The following DPP9 variants were observed in gnomAD, a reference collection of about 807,000 sequenced individuals.
DPP9 encodes dipeptidyl peptidase IV-related protein-2.
A neutral mutation model predicts 110.7 loss-of-function variants in DPP9; 50 were observed. The observed-to-expected ratio is 0.45, with a 90% CI of 0.36 to 0.57. The LOEUF is 0.57. Ranked by LOEUF, DPP9 falls within the 20% of genes least tolerant of loss-of-function variation. The probability of loss-of-function intolerance (pLI) is 0.00; values close to 1 mark genes in which losing one functional copy is unlikely to be tolerated. For missense variants in DPP9, 1,022 were observed against 1,217.9 expected (o/e 0.84, Z 2.39); for synonymous variants, 561 against 514.4 (o/e 1.09, Z -1.23).
chr19:4,697,960 A>G (rs549252959), intron 10 of DPP9, among the ~76,000 whole-genome samples: 156 of 152,350 alleles, frequency 1.0e-3, no homozygotes, highest in African/African-American at 3.6e-3. Flanking sequence ...ACGGCCACCA[A>G]GAAGCCATGG....
intron 1 of DPP9, among the ~76,000 whole-genome samples, chr19:4,723,150 A>T (rs370162112): frequency 2.6e-5 from 4 of 152,196 alleles, no homozygotes; most frequent in South Asian, 2.1e-4. Context: ...AGGGTTGAGG[A>T]TCAGGACTGG....
At position 4,695,503 on chromosome 19, in the gene DPP9, G is replaced by A. The variant is rs199500961; in HGVS notation, c.1228C>T (p.Leu410Phe). Residue 410 changes from leucine to phenylalanine, a missense_variant, in exon 12 of 22, where the codon CTC (leucine) becomes TTC (phenylalanine). Around this residue, in one of 3 missense-constraint regions of DPP9, gnomAD observed 810 missense variants for 920.6 expected, o/e 0.88. Coordinates refer to ENST00000262960, the MANE Select transcript of DPP9 (RefSeq NM_139159.5). The surrounding 1 kb of genome is among the most constrained non-coding windows in gnomAD (Gnocchi z 4.7). ...RPQQWLQLVL[L>F]PPALFIPSTE... is the part of the protein sequence containing the mutation. ...CTCGGGATGAACAGGGCCGGGGGGA[G>A]GAGGACGAGCTGGAGCCACTGCTGG... The A allele has an allele frequency of 1.1e-4, 175 of 1,552,964 alleles. No individual in the cohort carries two copies. In the African/African-American group the frequency reaches 2.3e-3, roughly 20 times the overall value.
Position 4,714,182 on chromosome 19 carries a change from C to G in DPP9, c.212G>C (p.Arg71Pro). Residue 71 changes from arginine to proline, a missense_variant, in exon 4 of 22, where the codon CGC becomes CCC. Around this residue, in one of 3 missense-constraint regions of DPP9, gnomAD observed 810 missense variants for 920.6 expected, o/e 0.88. Coordinates refer to ENST00000262960, the MANE Select transcript of DPP9 (RefSeq NM_139159.5). ...GTTGACAATGAGGCCCGAGTACTTG[C>G]GGCTGCCGTGGATGATGCTCCGGAG... is the stretch of plus-strand genomic sequence containing the variant. ...DGLRSIIHGSRKYSGLIVNKA... is the reference protein window; with the variant it reads ...DGLRSIIHGSPKYSGLIVNKA... 1 of 1,611,386 alleles carries G rather than the reference C, an allele frequency of 6.2e-7. No homozygotes were observed. The highest frequency in any genetic ancestry group is 8.5e-7 in the Non-Finnish European group (1 of 1,178,968).
In DPP9 at chr19:4,694,399, G is replaced by C. The variant is rs2091605307; in HGVS notation, c.1516+262C>G. On this transcript the variant is annotated intron_variant, in intron 13 of 21. Transcript: ENST00000262960. The surrounding 1 kb of genome is among the most constrained non-coding windows in gnomAD (Gnocchi z 4.0). ...GGCCGGATTTGACCTGTGGGCCGTA[G>C]GTGGCCAACCCCTGGTTGTGCTAAG... 1.9e-6 allele frequency: 1 copy of C among 537,210 alleles called. No individual in the cohort carries two copies. The highest frequency in any genetic ancestry group is 2.9e-5 in the South Asian group (1 of 35,050). The allele number at this position is 537,210 out of a possible 1,614,324, so 33.3% of individuals were successfully genotyped here.
chr19:4,692,922 C>T (rs903110714), intron 13 of DPP9, among the ~76,000 whole-genome samples: 2 of 152,166 alleles, frequency 1.3e-5, no homozygotes, highest in East Asian at 1.9e-4. Context: ...GCAGCTGTCA[C>T]CCCGCCGGTC....
At chr19:4,720,040 G>GCCC in intron 2 of DPP9, 99 bp from the exon 3 acceptor site, 1 of 1,045,668 alleles carries the variant, frequency 9.6e-7, no homozygotes, top group Non-Finnish European at 1.4e-6. Context: ...GCTCCAGGCA[G>GCCC]CCCCCCAAGC....
At position 4,689,439 on chromosome 19, in the gene DPP9, G is replaced by T; in HGVS notation, c.1749+131C>A. 1 of 1,242,132 alleles carries T rather than the reference G, an allele frequency of 8.1e-7. No homozygotes were observed. The highest frequency in any genetic ancestry group is 1.1e-6 in the Non-Finnish European group (1 of 912,548). The allele number at this position is 1,242,132 out of a possible 1,614,324, so 76.9% of individuals were successfully genotyped here. ...CAGGAGGCAGGGGTGGGCACTGCCT[G>T]CCCCAAGGCAGCTATGAGAATGCGA... On this transcript the variant is annotated intron_variant, in intron 15 of 21. Coordinates refer to ENST00000262960, the MANE Select transcript of DPP9 (RefSeq NM_139159.5). The surrounding 1 kb of genome is among the most constrained non-coding windows in gnomAD (Gnocchi z 7.0).
rs779435557 is a variant in DPP9, at chr19:4,693,117, G to A, written c.1516+1544C>T. On this transcript the variant is annotated intron_variant, in intron 13 of 21. Coordinates refer to ENST00000262960, the MANE Select transcript of DPP9 (RefSeq NM_139159.5). This position sits in a 1 kb window ranked among gnomAD's most constrained non-coding sequence, Gnocchi z 5.0. ...CGGACCACATCTAGGGACATCTGTG[G>A]TTGTCACAACTGGAGGTGCTCCTGG... 6.6e-6 allele frequency among the ~76,000 whole-genome samples: 1 copy of A among 152,160 alleles called. No individual in the cohort carries two copies. Among genetic ancestry groups the A allele is most frequent in the Non-Finnish European group, 1.5e-5 (1 of 68,006 alleles).
Position 4,685,460 on chromosome 19 carries a change from C to T in DPP9, c.2031+166G>A, listed in dbSNP as rs1319775984. The T allele has an allele frequency of 1.1e-5, 9 of 784,124 alleles. No homozygotes were observed. The highest frequency in any genetic ancestry group is 1.9e-5 in the Non-Finnish European group (9 of 477,810). 48.6% of individuals were successfully genotyped at this position (784,124 alleles called of 1,614,324 possible). A position where few individuals can be genotyped will look rare whatever the true frequency, so the allele number is the denominator to read the frequency against. On this transcript the variant is annotated intron_variant, in intron 17 of 21. Coordinates refer to ENST00000262960, the MANE Select transcript of DPP9 (RefSeq NM_139159.5). This position sits in a 1 kb window ranked among gnomAD's most constrained non-coding sequence, Gnocchi z 5.8. ...GGCACAGAGAAAGGAGGGTGAGGGG[C>T]CCCGAGGACCCTGTGTAGTCAGGGC... is the stretch of plus-strand genomic sequence containing the variant.
At position 4,704,083 on chromosome 19, in the gene DPP9, G is replaced by C. The variant is rs199919276; in HGVS notation, c.601-29C>G. On this transcript the variant is annotated intron_variant, in intron 6 of 21. Coordinates refer to ENST00000262960, the MANE Select transcript of DPP9 (RefSeq NM_139159.5). The surrounding 1 kb of genome is among the most constrained non-coding windows in gnomAD (Gnocchi z 6.0). ...AGGACAGAGACGCCCAGCTCAGGGG[G>C]AGGGGCCCTCCACGCCACCCCCGCA... 1.1e-5 allele frequency: 17 copies of C among 1,613,656 alleles called. No homozygotes were observed. The Admixed American group carries it at 2.5e-4, about 24-fold the overall frequency.
chr19:4,690,590 T>C (rs958597378), intron 14 of DPP9, among the ~76,000 whole-genome samples: 147 of 152,222 alleles, frequency 9.7e-4, no homozygotes, highest in Non-Finnish European at 1.2e-4. Flanking sequence ...GCTTCCAATG[T>C]TTTCCTTAAT....
chr19:4,688,622 G>C, intron 16 of DPP9, 135 bp downstream of exon 16: 1 of 1,129,180 alleles, frequency 8.9e-7, no homozygotes, highest in Non-Finnish European at 1.2e-6. Context: ...CCAGATGCTT[G>C]GAGGGGCCTG....
At chr19:4,703,496 C>T (rs1278039898) in intron 7 of DPP9, among the ~76,000 whole-genome samples, 2 of 150,224 alleles carry the variant, frequency 1.3e-5, no homozygotes, top group Non-Finnish European at 3.0e-5. Context: ...ATTAGCCAGG[C>T]GTGGTGGCGG....
rs905111263 is a variant in DPP9 at position 4,694,918 on chromosome 19, C to G, written c.1354-95G>C. 1 of 1,307,236 alleles carries G rather than the reference C, an allele frequency of 7.6e-7. No individual in the cohort carries two copies. Among genetic ancestry groups the G allele is most frequent in the African/African-American group, 1.5e-5 (1 of 68,548 alleles). The allele number at this position is 1,307,236 out of a possible 1,614,324, so 81.0% of individuals were successfully genotyped here. A position where few individuals can be genotyped will look rare whatever the true frequency, so the allele number is the denominator to read the frequency against. ...ATCCCAGTAGTTTGGGAGGCTGGGG[C>G]AGGAGACTTGCTTGAGCCCAGGAAT... On this transcript the variant is annotated intron_variant, in intron 12 of 21. Transcript: ENST00000262960. The surrounding 1 kb of genome is among the most constrained non-coding windows in gnomAD (Gnocchi z 4.0).
At chr19:4,722,233 C>G (rs2093354446) in intron 2 of DPP9, 1 of 460,166 alleles carries the variant, frequency 2.2e-6, no homozygotes, top group Non-Finnish European at 3.9e-6. Context: ...CACCCCTCCA[C>G]CAAATCCTGC....
In DPP9 at chr19:4,710,330, C is replaced by T. The variant is rs1259183036; in HGVS notation, c.313+3751G>A. Among the ~76,000 whole-genome samples, 1 of 152,196 alleles carries T rather than the reference C, an allele frequency of 6.6e-6. No individual in the cohort carries two copies. Among genetic ancestry groups the T allele is most frequent in the Non-Finnish European group, 1.5e-5 (1 of 68,032 alleles). ...CTTGCTTTCCCTTTCGAGGGAGTTC[C>T]AGAACTGTCTGGAACCCTGTGGCCT... On this transcript the variant is annotated intron_variant, in intron 4 of 21. Coordinates refer to ENST00000262960, the MANE Select transcript of DPP9 (RefSeq NM_139159.5). The surrounding 1 kb of genome is among the most constrained non-coding windows in gnomAD (Gnocchi z 5.6).
At chr19:4,723,476 AAAG>A (rs2093411507) in intron 1 of DPP9, among the ~76,000 whole-genome samples, 195 bp downstream of exon 1, 1 of 152,018 alleles carries the variant, frequency 6.6e-6, no homozygotes, top group Admixed American at 6.5e-5. Context: ...TCGGGGAGGG[AAAG>A]AAGGTGGAGG....
Position 4,685,593 on chromosome 19 carries a change from G to A in DPP9, c.2031+33C>T. 6.3e-7 allele frequency: 1 copy of A among 1,577,868 alleles called. No homozygotes were observed. The highest frequency in any genetic ancestry group is 1.1e-5 in the South Asian group (1 of 87,148). On this transcript the variant is annotated intron_variant, in intron 17 of 21. Transcript: ENST00000262960. The surrounding 1 kb of genome is among the most constrained non-coding windows in gnomAD (Gnocchi z 5.8). ...ATGGGGAGTCCTCGGGTGGATGGTG[G>A]GGTGGGGGCCTGGGGAGCAGGTGTG...
At position 4,718,893 on chromosome 19, in the gene DPP9, C is replaced by T. The variant is rs773390126; in HGVS notation, c.56+958G>A. On this transcript the variant is annotated intron_variant, in intron 3 of 21. Coordinates refer to ENST00000262960, the MANE Select transcript of DPP9 (RefSeq NM_139159.5). This position sits in a 1 kb window ranked among gnomAD's most constrained non-coding sequence, Gnocchi z 4.3. ...AGAAAATTGAATACTGAGAAAGGTT[C>T]GCAGGGTCGAGGAATTCCTACCGCC... 2.0e-5 allele frequency among the ~76,000 whole-genome samples: 3 copies of T among 152,070 alleles called. No homozygotes were observed. The highest frequency in any genetic ancestry group is 4.4e-5 in the Non-Finnish European group (3 of 68,018).
Sources: allele counts gnomAD v4.1 joint callset (sites outside exome capture counted in the v4.1 genomes callset), GRCh38; gene constraint gnomAD v4.1.1; regional missense constraint gnomAD v4.1.1; non-coding constraint Gnocchi (gnomAD v3.1); transcripts MANE v1.5; gene names NCBI Gene and HGNC (gene_info 2026-07-23, HGNC 2026-07-21).